Variants in RSRC1 observed in about 807,000 individuals in gnomAD.
RSRC1 encodes the protein serine/Arginine-related protein 53.
RSRC1 carries 39 observed loss-of-function variants against 49.1 expected under a neutral mutation model. The observed-to-expected ratio is 0.79, with a 90% CI of 0.61 to 1.04. The LOEUF (loss-of-function observed/expected upper bound fraction) is 1.04, where lower values mean the gene tolerates loss of function less well. Among genes scored for constraint, RSRC1 ranks in the 50% least tolerant of loss-of-function variants. The pLI is 0.00. For missense variants in RSRC1, 388 were observed against 402.4 expected (o/e 0.96, Z 0.31); for synonymous variants, 143 against 130.8 (o/e 1.09, Z -0.63).
chr3:158,137,272 T>G (rs1716436309), intron 3 of RSRC1, among the ~76,000 whole-genome samples: 1 of 152,150 alleles, frequency 6.6e-6, no homozygotes, highest in African/African-American at 2.4e-5. Context: ...TTTAATGTAA[T>G]GTGTAATCTG....
At chr3:158,493,162 T>C (rs528185223) in intron 7 of RSRC1, among the ~76,000 whole-genome samples, 7 of 152,224 alleles carry the variant, frequency 4.6e-5, no homozygotes, top group Non-Finnish European at 8.8e-5. Context: ...TAAATCTCTT[T>C]TAACAAATGC....
intron 7 of RSRC1, among the ~76,000 whole-genome samples, chr3:158,517,273 C>G (rs1351498663): frequency 1.3e-5 from 2 of 152,048 alleles, no homozygotes; most frequent in Non-Finnish European, 2.9e-5. Context: ...TCTGTAAATA[C>G]TTTTGGGTTT....
In RSRC1 at chr3:158,203,265, A is replaced by G; in HGVS notation, c.494+20A>G. 2 of 1,558,394 alleles carry G rather than the reference A, an allele frequency of 1.3e-6. No individual in the cohort carries two copies. Among genetic ancestry groups the G allele is most frequent in the Non-Finnish European group, 1.7e-6 (2 of 1,150,070 alleles). ...ACGTGGGTAAGTTGGAGCAAATCTT[A>G]TCTGGTAAGGACTTGGTGATTCCAT... On this transcript the variant is annotated intron_variant, in intron 4 of 9. Coordinates refer to ENST00000611884, the MANE Select transcript of RSRC1 (RefSeq NM_001271838.2).
At chr3:158,314,184 T>TG (rs1455229134) in intron 5 of RSRC1, among the ~76,000 whole-genome samples, 3 of 152,104 alleles carry the variant, frequency 2.0e-5, no homozygotes, top group Non-Finnish European at 4.4e-5. Context: ...TCTGCCTCCC[T>TG]GATTCAAGCT....
chr3:158,425,806 A>C (rs1735393647), intron 6 of RSRC1, among the ~76,000 whole-genome samples: 1 of 151,652 alleles, frequency 6.6e-6, no homozygotes, highest in African/African-American at 2.4e-5. Context: ...TAAATAATTT[A>C]GAAGTTTAAT....
At chr3:158,403,850 G>T (rs1734013626) in intron 6 of RSRC1, among the ~76,000 whole-genome samples, 2 of 151,624 alleles carry the variant, frequency 1.3e-5, no homozygotes, top group Admixed American at 1.3e-4. Context: ...CTATAAGAAA[G>T]AAATTTCACA....
intron 4 of RSRC1, among the ~76,000 whole-genome samples, chr3:158,205,951 T>G (rs1301735622): frequency 1.3e-5 from 2 of 152,204 alleles, no homozygotes; most frequent in Non-Finnish European, 2.9e-5. Context: ...GGCTAGATAG[T>G]AAATAATTTA....
intron 8 of RSRC1, among the ~76,000 whole-genome samples, chr3:158,541,548 T>C (rs562019694): frequency 3.3e-5 from 5 of 152,328 alleles, no homozygotes; most frequent in African/African-American, 1.2e-4. Context: ...CTAAAACAAA[T>C]TAACCTAAGA....
intron 3 of RSRC1, among the ~76,000 whole-genome samples, chr3:158,191,518 T>G (rs1388603986): frequency 6.6e-6 from 1 of 152,036 alleles, no homozygotes; most frequent in Non-Finnish European, 1.5e-5. Context: ...AGTAATTCAT[T>G]TTATGTAGAG....
chr3:158,538,364 A>G (rs1712836295), intron 8 of RSRC1, among the ~76,000 whole-genome samples: 1 of 151,824 alleles, frequency 6.6e-6, no homozygotes, highest in South Asian at 2.1e-4. Context: ...TTGCCACCAC[A>G]ACTCCTAAAA....
At chr3:158,528,503 G>A (rs1459745062) in intron 7 of RSRC1, among the ~76,000 whole-genome samples, 1 of 151,884 alleles carries the variant, frequency 6.6e-6, no homozygotes, top group Non-Finnish European at 1.5e-5. Context: ...AATGTGGTGT[G>A]CCCTGCGATG....
At chr3:158,452,343 A>G (rs998751028) in intron 6 of RSRC1, among the ~76,000 whole-genome samples, 2 of 152,194 alleles carry the variant, frequency 1.3e-5, no homozygotes, top group African/African-American at 4.8e-5. Flanking sequence ...AGTACTTGTC[A>G]GCTTATACTG....
At chr3:158,223,477 A>G (rs868803673) in intron 4 of RSRC1, among the ~76,000 whole-genome samples, 8 of 151,614 alleles carry the variant, frequency 5.3e-5, no homozygotes, top group Middle Eastern at 6.3e-3. Flanking sequence ...AAACTCTAAT[A>G]ATTATTATTT....
chr3:158,191,974 A>G (rs1720268517), intron 3 of RSRC1, among the ~76,000 whole-genome samples: 1 of 152,078 alleles, frequency 6.6e-6, no homozygotes, highest in Admixed American at 6.6e-5. Flanking sequence ...TTAGCAGCTT[A>G]GTTTATTTCA....
intron 1 of RSRC1, among the ~76,000 whole-genome samples, chr3:158,118,052 T>G (rs1714960356): frequency 6.6e-6 from 1 of 152,070 alleles, no homozygotes; most frequent in Non-Finnish European, 1.5e-5. Flanking sequence ...TGGGCTCCGG[T>G]GATCCTCCTG....
At chr3:158,327,338 A>G (rs1259609521) in intron 5 of RSRC1, among the ~76,000 whole-genome samples, 1 of 152,262 alleles carries the variant, frequency 6.6e-6, no homozygotes, top group East Asian at 1.9e-4. Context: ...TGTCAATTTT[A>G]GATCTTTCCT....
chr3:158,287,204 A>G (rs563602338), intron 4 of RSRC1, among the ~76,000 whole-genome samples: 2 of 152,330 alleles, frequency 1.3e-5, no homozygotes, highest in East Asian at 1.9e-4. Flanking sequence ...ACTGTGTTAC[A>G]TATGGGAATA....
intron 7 of RSRC1, among the ~76,000 whole-genome samples, chr3:158,499,230 A>C (rs1450114993): frequency 6.6e-6 from 1 of 152,252 alleles, no homozygotes; most frequent in East Asian, 1.9e-4. Context: ...ACAAAAAATT[A>C]GCCAGGCGTG....
At chr3:158,503,766 G>C (rs1739722556) in intron 7 of RSRC1, among the ~76,000 whole-genome samples, 1 of 152,106 alleles carries the variant, frequency 6.6e-6, no homozygotes, top group Non-Finnish European at 1.5e-5. Context: ...TCTGTTTCCA[G>C]GTGTTGGGCG....
Sources: allele counts gnomAD v4.1 joint callset (sites outside exome capture counted in the v4.1 genomes callset), GRCh38; gene constraint gnomAD v4.1.1; transcripts MANE v1.5; gene names NCBI Gene and HGNC (gene_info 2026-07-23, HGNC 2026-07-21).